Variants in PCBP3 observed in about 807,000 individuals in gnomAD.
PCBP3 encodes poly(rC)-binding protein 3.
In PCBP3, 25 loss-of-function variants were observed where a neutral mutation model predicts 52.7. The observed-to-expected ratio is 0.47, with a 90% CI of 0.35 to 0.66. PCBP3 has a LOEUF of 0.66. PCBP3 is among the 30% of genes least tolerant of loss of function. The pLI is 0.01. For missense variants in PCBP3, 391 were observed against 490.3 expected (o/e 0.80, Z 1.91); for synonymous variants, 162 against 183.0 (o/e 0.89, Z 0.93).
chr21:45,851,732 T>C (rs1383962273), intron 5 of PCBP3, among the ~76,000 whole-genome samples: 1 of 152,192 alleles, frequency 6.6e-6, no homozygotes, highest in Non-Finnish European at 1.5e-5. Context: ...TAGGTGAAAT[T>C]GATAACTTCC....
At chr21:45,866,810 C>T (rs1394273966) in intron 5 of PCBP3, among the ~76,000 whole-genome samples, 1 of 152,198 alleles carries the variant, frequency 6.6e-6, no homozygotes, top group African/African-American at 2.4e-5. Flanking sequence ...CCCTGTGGTC[C>T]TCCTGCCCAC....
rs1242324414 is a variant in PCBP3, at chr21:45,917,678, T to G, written c.717+49T>G. The G allele has an allele frequency of 7.1e-7, 1 of 1,403,800 alleles. No homozygotes were observed. The highest frequency in any genetic ancestry group is 1.4e-5 in the African/African-American group (1 of 70,804). The allele number at this position is 1,403,800 out of a possible 1,614,324, so 87.0% of individuals were successfully genotyped here. On this transcript the variant is annotated intron_variant, in intron 13 of 17. Coordinates refer to ENST00000681687, the MANE Select transcript of PCBP3 (RefSeq NM_001384156.1). This position sits in a 1 kb window ranked among gnomAD's most constrained non-coding sequence, Gnocchi z 5.3. Reference sequence around the variant, plus strand: ...CTCACCTTTCTCTTCTCATGGTTGTTTACCTACCTGCATGCTGCTGTTAAT... The same window carrying G: ...CTCACCTTTCTCTTCTCATGGTTGTGTACCTACCTGCATGCTGCTGTTAAT...
intron 5 of PCBP3, among the ~76,000 whole-genome samples, chr21:45,888,287 G>A (rs2095569333): frequency 6.6e-6 from 1 of 152,264 alleles, no homozygotes; most frequent in African/African-American, 2.4e-5. Context: ...GGATAGCACA[G>A]AGCCTAAAGC....
intron 4 of PCBP3, among the ~76,000 whole-genome samples, chr21:45,789,125 G>A (rs1448002811): frequency 1.3e-5 from 2 of 152,252 alleles, no homozygotes; most frequent in Non-Finnish European, 2.9e-5. Flanking sequence ...GGCATGCTCA[G>A]CAGATCAAGG....
chr21:45,769,559 T>C (rs1254563858), intron 4 of PCBP3, among the ~76,000 whole-genome samples: 1 of 152,270 alleles, frequency 6.6e-6, no homozygotes, highest in African/African-American at 2.4e-5. Context: ...CAGGCCGGTC[T>C]TGTGTTCCCC....
intron 3 of PCBP3, chr21:45,750,407 C>CG (rs2087350078): frequency 1.5e-5 from 2 of 131,970 alleles, no homozygotes; most frequent in Non-Finnish European, 3.4e-5. Context: ...CCCCCCCCCC[C>CG]CCCCTTCTTC....
intron 4 of PCBP3, among the ~76,000 whole-genome samples, chr21:45,769,150 C>T (rs1243878751): frequency 6.6e-6 from 1 of 152,232 alleles, no homozygotes; most frequent in African/African-American, 2.4e-5. Context: ...TGTCTTCTTG[C>T]ATTCACTGGG....
intron 4 of PCBP3, among the ~76,000 whole-genome samples, chr21:45,766,155 G>T (rs1401943143): frequency 1.3e-5 from 2 of 152,228 alleles, no homozygotes; most frequent in African/African-American, 4.8e-5. Flanking sequence ...GCATTGACCA[G>T]CCATCCTTAG....
Position 45,896,292 on chromosome 21 carries a change from G to A in PCBP3, c.95G>A (p.Arg32Lys). The change falls in exon 6 of 18, where the codon AGG becomes AAG. Residue 32 changes from arginine (R) to lysine (K), a missense_variant. Coordinates refer to ENST00000681687, the MANE Select transcript of PCBP3 (RefSeq NM_001384156.1). ...SHHPQPQFGRRMESKVSEGGL... is the reference protein window; with the variant it reads ...SHHPQPQFGRKMESKVSEGGL... ...CACCCTCAGCCACAATTTGGCAGAA[G>A]GATGGAGTCCAAGGTCTCAGAAGGT... 6.4e-7 allele frequency: 1 copy of A among 1,552,264 alleles called. No homozygotes were observed. Among genetic ancestry groups the A allele is most frequent in the South Asian group, 1.2e-5 (1 of 84,066 alleles).
At chr21:45,734,914 C>T (rs1055710905) in intron 2 of PCBP3, among the ~76,000 whole-genome samples, 8 of 152,220 alleles carry the variant, frequency 5.3e-5, no homozygotes, top group Middle Eastern at 3.2e-3. Flanking sequence ...GGAGTCTCTG[C>T]GCGGTGTTCA....
At chr21:45,938,610 G>T (rs550199258) in intron 16 of PCBP3, among the ~76,000 whole-genome samples, 1 of 152,222 alleles carries the variant, frequency 6.6e-6, no homozygotes, top group Non-Finnish European at 1.5e-5. Flanking sequence ...TGGACTGCGG[G>T]TGGGGCCTTG....
intron 5 of PCBP3, among the ~76,000 whole-genome samples, chr21:45,881,436 G>A (rs62211926): frequency 0.14 from 21,367 of 152,106 alleles, 1,674 homozygotes; most frequent in Middle Eastern, 0.28. Context: ...GACCACAGGT[G>A]CACTCCACCA....
At chr21:45,876,876 G>A (rs554333974) in intron 5 of PCBP3, among the ~76,000 whole-genome samples, 1 of 152,352 alleles carries the variant, frequency 6.6e-6, no homozygotes, top group African/African-American at 2.4e-5. Context: ...GCCGCTGGCT[G>A]CGACAGCGCT....
At chr21:45,732,557 GTTAT>G (rs1023848343) in intron 2 of PCBP3, among the ~76,000 whole-genome samples, 1 of 149,430 alleles carries the variant, frequency 6.7e-6, no homozygotes, top group Non-Finnish European at 1.5e-5. Context: ...TTAGTTTAAT[GTTAT>G]TTATTTATTT....
chr21:45,659,729 G>C (rs1053579282), intron 1 of PCBP3, among the ~76,000 whole-genome samples: 1 of 152,034 alleles, frequency 6.6e-6, no homozygotes, highest in Admixed American at 6.5e-5. Context: ...GCAGTGTATT[G>C]TTAAATTTCC....
chr21:45,812,697 C>G (rs952271104), intron 4 of PCBP3, among the ~76,000 whole-genome samples: 10 of 152,196 alleles, frequency 6.6e-5, no homozygotes, highest in Middle Eastern at 3.2e-3. Flanking sequence ...CGGCTGTGAA[C>G]ATTTTTTGTA....
chr21:45,797,178 G>A (rs936448332), intron 4 of PCBP3, among the ~76,000 whole-genome samples: 6 of 152,156 alleles, frequency 3.9e-5, no homozygotes, highest in East Asian at 1.9e-4. Flanking sequence ...GTATGGATCC[G>A]TAGAGAAAGT....
intron 9 of PCBP3, among the ~76,000 whole-genome samples, chr21:45,906,049 A>G (rs1348723678): frequency 6.6e-6 from 1 of 152,180 alleles, no homozygotes; most frequent in African/African-American, 2.4e-5. Flanking sequence ...TAGGTCTTCT[A>G]AGTCTTAATG....
rs80328402 is a variant in PCBP3 at position 45,942,084 on chromosome 21, G to A, written c.*378G>A. On this transcript the variant is annotated 3_prime_UTR_variant, in exon 18 of 18. Transcript: ENST00000681687. ...CCCTTCTCCTCTGCCATCCAGAACC[G>A]TCCAGAACTGTTGCCTGAGACCCCT... 1,593 of 199,758 alleles carry A rather than the reference G, an allele frequency of 8.0e-3. 14 individuals carry two copies. The highest frequency in any genetic ancestry group is 0.012 in the Non-Finnish European group (1,235 of 99,456). The allele number at this position is 199,758 out of a possible 1,614,324, so 12.4% of individuals were successfully genotyped here. A position where few individuals can be genotyped will look rare whatever the true frequency, so the allele number is the denominator to read the frequency against.
Sources: allele counts gnomAD v4.1 joint callset (sites outside exome capture counted in the v4.1 genomes callset), GRCh38; gene constraint gnomAD v4.1.1; non-coding constraint Gnocchi (gnomAD v3.1); transcripts MANE v1.5; gene names NCBI Gene and HGNC (gene_info 2026-07-23, HGNC 2026-07-21).